The following EPHB2 variants were observed in gnomAD, a reference collection of about 807,000 sequenced individuals.
EPHB2 encodes ephrin type-B receptor 2.
A neutral mutation model predicts 96.4 loss-of-function variants in EPHB2; 18 were observed. The observed-to-expected ratio is 0.19, with a 90% CI of 0.13 to 0.28. The LOEUF is 0.28. Among genes scored for constraint, EPHB2 ranks in the 10% least tolerant of loss-of-function variants. The pLI is 1.00. For synonymous variants in EPHB2, 506 were observed against 534.1 expected (o/e 0.95, Z 0.72); for missense variants, 989 against 1,355.4 (o/e 0.73, Z 4.25).
intron 3 of EPHB2, among the ~76,000 whole-genome samples, chr1:22,789,059 C>A (rs1644654684): frequency 6.6e-6 from 1 of 152,144 alleles, no homozygotes; most frequent in Non-Finnish European, 1.5e-5. Flanking sequence ...CAGCTGGAAT[C>A]AGCATTTTTA....
intron 3 of EPHB2, among the ~76,000 whole-genome samples, chr1:22,792,848 T>C (rs867443848): frequency 1.3e-5 from 2 of 152,076 alleles, no homozygotes; most frequent in Admixed American, 6.5e-5. Context: ...ACTGGGGTTG[T>C]GCTGAGGAAA....
At position 22,860,484 on chromosome 1, in the gene EPHB2, G is replaced by A. The variant is rs1645777933; in HGVS notation, c.812-2553G>A. 6.6e-6 allele frequency among the ~76,000 whole-genome samples: 1 copy of A among 152,158 alleles called. No individual in the cohort carries two copies. Among genetic ancestry groups the A allele is most frequent in the South Asian group, 2.1e-4 (1 of 4,820 alleles). ...ACAGAGCAAATGAAGGGCGGCTTAGGGCAGGGGCAGCCTGGGGAGTCTGAG... is the reference window on the plus strand; with the variant it reads ...ACAGAGCAAATGAAGGGCGGCTTAGAGCAGGGGCAGCCTGGGGAGTCTGAG... On this transcript the variant is annotated intron_variant, in intron 3 of 15. Transcript: ENST00000374630. This position sits in a 1 kb window ranked among gnomAD's most constrained non-coding sequence, Gnocchi z 4.6.
chr1:22,882,230 T>C, intron 5 of EPHB2, 129 bp from the exon 6 acceptor site: 1 of 1,507,316 alleles, frequency 6.6e-7, no homozygotes, highest in Non-Finnish European at 9.0e-7. Context: ...ACTGGCTCTG[T>C]GGCCTCAGCC....
At chr1:22,771,362 C>CT (rs967596601) in intron 1 of EPHB2, among the ~76,000 whole-genome samples, 1 of 152,192 alleles carries the variant, frequency 6.6e-6, no homozygotes, top group African/African-American at 2.4e-5. Flanking sequence ...ATGAACATGT[C>CT]TGAGTGTCCT....
chr1:22,752,110 T>TA (rs1644073106), intron 1 of EPHB2, among the ~76,000 whole-genome samples: 1 of 152,266 alleles, frequency 6.6e-6, no homozygotes, highest in East Asian at 1.9e-4. Context: ...TTGTGAAACT[T>TA]AAACATGATG....
chr1:22,779,315 C>A (rs945154421), intron 1 of EPHB2, among the ~76,000 whole-genome samples: 27 of 152,196 alleles, frequency 1.8e-4, no homozygotes, highest in Non-Finnish European at 3.5e-4. Flanking sequence ...CCCCACACCC[C>A]CTCCCTGTGC....
At chr1:22,751,198 A>G (rs1174694306) in intron 1 of EPHB2, among the ~76,000 whole-genome samples, 1 of 152,178 alleles carries the variant, frequency 6.6e-6, no homozygotes, top group East Asian at 1.9e-4. Context: ...TGAAGAACAG[A>G]GAGGGGATGG....
At chr1:22,769,401 CT>C (rs1468271422) in intron 1 of EPHB2, among the ~76,000 whole-genome samples, 1 of 150,940 alleles carries the variant, frequency 6.6e-6, no homozygotes, top group African/African-American at 2.4e-5. Flanking sequence ...TTCTCCAATA[CT>C]TTTTTCTTTT....
chr1:22,783,071 A>G (rs1218341444), intron 2 of EPHB2, among the ~76,000 whole-genome samples: 1 of 152,202 alleles, frequency 6.6e-6, no homozygotes, highest in Non-Finnish European at 1.5e-5. Flanking sequence ...AAGGCCACTC[A>G]TCAAGTTAGT....
intron 1 of EPHB2, among the ~76,000 whole-genome samples, chr1:22,727,348 C>T (rs1250100468): frequency 8.5e-5 from 13 of 152,246 alleles, no homozygotes; most frequent in African/African-American, 2.2e-4. Context: ...GCAGAGTGAA[C>T]GAGTTAGGGC....
At position 22,720,660 on chromosome 1, in the gene EPHB2, T is replaced by TCCCC. The variant is rs916713865; in HGVS notation, c.61+9627_61+9630dup. Among the ~76,000 whole-genome samples the TCCCC allele has an allele frequency of 1.3e-3, 74 of 57,350 alleles. No individual in the cohort carries two copies. The South Asian group carries it at 0.015, about 11-fold the overall frequency. The allele number at this position is 57,350 out of a possible 152,430, so 37.6% of individuals were successfully genotyped here. ...GGCAACAGGAAGCCAGAAATCTCAT[T>TCCCC]CCCCCCCCCCCCCGCCCCAGCACTT... On this transcript the variant is annotated intron_variant, in intron 1 of 15. Transcript: ENST00000374630.
In EPHB2 at chr1:22,846,201, T is replaced by A. The variant is rs1215910386; in HGVS notation, c.812-16836T>A. On this transcript the variant is annotated intron_variant, in intron 3 of 15. Coordinates refer to ENST00000374630, the MANE Select transcript of EPHB2 (RefSeq NM_017449.5). The surrounding 1 kb of genome is among the most constrained non-coding windows in gnomAD (Gnocchi z 4.3). ...TGGGAGCCTGTGGCAGGCGGATCTC[T>A]TGGGTCAGGAGTTCGAGACCAGCCT... is the stretch of plus-strand genomic sequence containing the variant. 6.6e-6 allele frequency among the ~76,000 whole-genome samples: 1 copy of A among 152,124 alleles called. No individual in the cohort carries two copies. Among genetic ancestry groups the A allele is most frequent in the Admixed American group, 6.5e-5 (1 of 15,282 alleles).
chr1:22,856,734 G>T (rs1443740126), intron 3 of EPHB2, among the ~76,000 whole-genome samples: 1 of 152,120 alleles, frequency 6.6e-6, no homozygotes, highest in Non-Finnish European at 1.5e-5. Flanking sequence ...CTAGTTGGGT[G>T]GGTGCTTTGT....
At chr1:22,829,038 T>G (rs1411410415) in intron 3 of EPHB2, among the ~76,000 whole-genome samples, 1 of 152,254 alleles carries the variant, frequency 6.6e-6, no homozygotes, top group Non-Finnish European at 1.5e-5. Flanking sequence ...TGTGGAATAT[T>G]CAATATTCAG....
chr1:22,787,466 C>T (rs1314007331), intron 3 of EPHB2, among the ~76,000 whole-genome samples: 1 of 152,114 alleles, frequency 6.6e-6, no homozygotes, highest in Non-Finnish European at 1.5e-5. Flanking sequence ...AAACAACCAA[C>T]AGATCAGGTA....
chr1:22,879,631 G>C (rs939460800), intron 5 of EPHB2, among the ~76,000 whole-genome samples: 18 of 152,250 alleles, frequency 1.2e-4, no homozygotes, highest in African/African-American at 4.3e-4. Context: ...CCTTGGGGAA[G>C]TCACTGTGCC....
chr1:22,912,392 C>A, intron 14 of EPHB2, 52 bp from the exon 15 acceptor site: 4 of 1,611,770 alleles, frequency 2.5e-6, no homozygotes, highest in Non-Finnish European at 3.4e-6. Flanking sequence ...TCCCTGCACG[C>A]TCCCTGCAAA....
At position 22,720,660 on chromosome 1, in the gene EPHB2, T is replaced by TCCCCCC. The variant is rs916713865; in HGVS notation, c.61+9625_61+9630dup. On this transcript the variant is annotated intron_variant, in intron 1 of 15. Transcript: ENST00000374630. ...GGCAACAGGAAGCCAGAAATCTCAT[T>TCCCCCC]CCCCCCCCCCCCCGCCCCAGCACTT... Among the ~76,000 whole-genome samples, 149 of 57,376 alleles carry TCCCCCC rather than the reference T, an allele frequency of 2.6e-3. 1 individual carries two copies. Among genetic ancestry groups the TCCCCCC allele is most frequent in the Non-Finnish European group, 3.9e-3 (116 of 29,526 alleles). 37.6% of individuals were successfully genotyped at this position (57,376 alleles called of 152,430 possible).
At chr1:22,834,115 A>G (rs1333733312) in intron 3 of EPHB2, among the ~76,000 whole-genome samples, 1 of 152,176 alleles carries the variant, frequency 6.6e-6, no homozygotes, top group Non-Finnish European at 1.5e-5. Context: ...GGGATATTTT[A>G]GCATAGCTTT....
Sources: gnomAD v4.1 joint callset for allele counts (sites outside exome capture counted in the v4.1 genomes callset) on GRCh38, gnomAD v4.1.1 for gene constraint, Gnocchi (gnomAD v3.1) non-coding constraint, MANE v1.5 for transcripts, NCBI Gene and HGNC (gene_info 2026-07-23, HGNC 2026-07-21) for gene names.